The following CACNA2D4 variants were observed in gnomAD, a reference collection of about 807,000 sequenced individuals.
CACNA2D4 encodes calcium voltage-gated channel auxiliary subunit alpha2delta 4.
Under a neutral mutation model 163.8 loss-of-function variants are expected in CACNA2D4, and 157 were observed. The ratio of observed to expected loss-of-function variants is 0.96; its 90% CI spans 0.84 to 1.09. The LOEUF is 1.09. Ranked by LOEUF, CACNA2D4 falls within the 50% of genes least tolerant of loss-of-function variation. The probability of loss-of-function intolerance (pLI) is 0.00; values close to 1 mark genes in which losing one functional copy is unlikely to be tolerated. For missense variants in CACNA2D4, 1,410 were observed against 1,479.9 expected (o/e 0.95, Z 0.78); for synonymous variants, 598 against 586.9 (o/e 1.02, Z -0.27).
chr12:1,910,463 C>CA (rs1565741955), intron 3 of CACNA2D4, among the ~76,000 whole-genome samples: 2 of 152,146 alleles, frequency 1.3e-5, no homozygotes. Context: ...ATGTTGATAG[C>CA]GGGGAAGGCT....
rs568778613 is a variant in CACNA2D4 at position 1,802,762 on chromosome 12, T to A, written c.2722-1118A>T. Among the ~76,000 whole-genome samples, 11 of 152,350 alleles carry A rather than the reference T, an allele frequency of 7.2e-5. No homozygotes were observed. The South Asian group carries it at 2.3e-3, about 32-fold the overall frequency. ...GCCGATTACCCTTCCTCTGTCCTCA[T>A]GCCAAGGAACTTCTTTCCTCACCCT... On this transcript the variant is annotated intron_variant, in intron 29 of 37. Coordinates refer to ENST00000382722, the MANE Select transcript of CACNA2D4 (RefSeq NM_172364.5). This position sits in a 1 kb window ranked among gnomAD's most constrained non-coding sequence, Gnocchi z 4.7.
chr12:1,900,731 G>T (rs1400865173), intron 6 of CACNA2D4, among the ~76,000 whole-genome samples: 1 of 152,154 alleles, frequency 6.6e-6, no homozygotes, highest in Non-Finnish European at 1.5e-5. Flanking sequence ...TAAATAGAGA[G>T]ATGGACCCCA....
At chr12:1,854,978 AC>A (rs57341184) in intron 22 of CACNA2D4, among the ~76,000 whole-genome samples, 1 of 151,804 alleles carries the variant, frequency 6.6e-6, no homozygotes, top group African/African-American at 2.4e-5. Context: ...TATTTTTATC[AC>A]CCCCCAAAGG....
intron 1 of CACNA2D4, among the ~76,000 whole-genome samples, chr12:1,916,835 TGAG>T (rs1282300767): frequency 6.6e-6 from 1 of 151,244 alleles, no homozygotes; most frequent in Non-Finnish European, 1.5e-5. Context: ...TCGGCGGGAG[TGAG>T]GACAGGTGGG....
intron 6 of CACNA2D4, among the ~76,000 whole-genome samples, chr12:1,902,142 G>T (rs1273392349): frequency 6.6e-6 from 1 of 151,888 alleles, no homozygotes; most frequent in Non-Finnish European, 1.5e-5. Flanking sequence ...TGCAGAATAA[G>T]CATTTGATAA....
intron 30 of CACNA2D4, among the ~76,000 whole-genome samples, 156 bp downstream of exon 30, chr12:1,801,416 GCT>G (rs1863322933): frequency 4.6e-5 from 7 of 152,202 alleles, no homozygotes; most frequent in Admixed American, 4.6e-4. Context: ...CCCACATCAT[GCT>G]GACGCCCTGG....
At chr12:1,795,141 T>A in intron 37 of CACNA2D4, 158 bp downstream of exon 37, 1 of 612,650 alleles carries the variant, frequency 1.6e-6, no homozygotes, top group South Asian at 2.0e-5. Context: ...TATATCACAG[T>A]GTCACAGGGC....
At chr12:1,899,224 G>A (rs1473036310) in intron 6 of CACNA2D4, among the ~76,000 whole-genome samples, 2 of 152,042 alleles carry the variant, frequency 1.3e-5, no homozygotes, top group Non-Finnish European at 1.5e-5. Context: ...GAAATACAGG[G>A]AGGCTAAAAC....
At chr12:1,836,852 T>G (rs866476693) in intron 26 of CACNA2D4, 69 of 152,710 alleles carry the variant, frequency 4.5e-4, no homozygotes, top group African/African-American at 1.5e-3. Context: ...CCGGTGGCCA[T>G]GATCCTGATG....
At chr12:1,855,909 G>T (rs1411711246) in intron 22 of CACNA2D4, 103 bp downstream of exon 22, 21 of 804,830 alleles carry the variant, frequency 2.6e-5, no homozygotes. Context: ...AATGGGATAG[G>T]GCTGTGCAGC....
intron 7 of CACNA2D4, among the ~76,000 whole-genome samples, chr12:1,886,750 G>A (rs1332898101): frequency 6.6e-6 from 1 of 152,200 alleles, no homozygotes; most frequent in Non-Finnish European, 1.5e-5. Context: ...ACAAAAGGTT[G>A]ACGTGGAGAC....
chr12:1,799,799 G>A lies in CACNA2D4; in HGVS notation c.2975-104C>T. On this transcript the variant is annotated intron_variant, in intron 33 of 37. Transcript: ENST00000382722. The surrounding 1 kb of genome is among the most constrained non-coding windows in gnomAD (Gnocchi z 4.7). Reference sequence around the variant, plus strand: ...GGTGGTGATGATGGCACATGGAGTGGCGGTGTCCCAAGATGATGTCACACA... The same window carrying A: ...GGTGGTGATGATGGCACATGGAGTGACGGTGTCCCAAGATGATGTCACACA... 1 of 1,428,104 alleles carries A rather than the reference G, an allele frequency of 7.0e-7. No individual in the cohort carries two copies. The allele number at this position is 1,428,104 out of a possible 1,614,324, so 88.5% of individuals were successfully genotyped here.
Position 1,918,552 on chromosome 12 carries a change from C to CA in CACNA2D4, c.-80dup. On this transcript the variant is annotated 5_prime_UTR_variant, in exon 1 of 38. Transcript: ENST00000382722. The stretch of plus-strand genomic sequence containing the variant: ...CGTGCCTTGGCGAGCCTGGGGTCTC[C>CA]AGCCTCTCAGTCCTGGGTGGGGAGG... The CA allele has an allele frequency of 9.0e-7, 1 of 1,109,274 alleles. No individual in the cohort carries two copies. Among genetic ancestry groups the CA allele is most frequent in the Non-Finnish European group, 1.3e-6 (1 of 764,850 alleles). 68.7% of individuals were successfully genotyped at this position (1,109,274 alleles called of 1,614,324 possible).
rs1865846889 is a variant in CACNA2D4, at chr12:1,874,586, C to T, written c.1878+18G>A. On this transcript the variant is annotated intron_variant, in intron 18 of 37. Coordinates refer to ENST00000382722, the MANE Select transcript of CACNA2D4 (RefSeq NM_172364.5). The surrounding 1 kb of genome is among the most constrained non-coding windows in gnomAD (Gnocchi z 4.4). Reference sequence around the variant, plus strand: ...GATGCCTTCCTAGGCCATGCCCTGGCTGTTTCTAGCTCCTTACCCCTTTAT... The same window carrying T: ...GATGCCTTCCTAGGCCATGCCCTGGTTGTTTCTAGCTCCTTACCCCTTTAT... The T allele has an allele frequency of 6.3e-7, 1 of 1,579,348 alleles. No individual in the cohort carries two copies. The highest frequency in any genetic ancestry group is 1.3e-5 in the African/African-American group (1 of 74,384).
intron 26 of CACNA2D4, among the ~76,000 whole-genome samples, chr12:1,816,644 C>T (rs958595456): frequency 3.3e-5 from 5 of 152,268 alleles, no homozygotes; most frequent in Non-Finnish European, 7.3e-5. Flanking sequence ...AGGCCAGACC[C>T]GCAGGCGGCT....
At chr12:1,832,367 G>A (rs992584796) in intron 26 of CACNA2D4, among the ~76,000 whole-genome samples, 7 of 152,208 alleles carry the variant, frequency 4.6e-5, no homozygotes, top group African/African-American at 7.2e-5. Flanking sequence ...TGCACGGAAC[G>A]TGGCTTGAGA....
chr12:1,870,084 C>T (rs77301974), intron 18 of CACNA2D4, among the ~76,000 whole-genome samples: 3 of 152,270 alleles, frequency 2.0e-5, no homozygotes, highest in Admixed American at 2.0e-4. Context: ...ATCTCTTGGT[C>T]GTGGGACAGT....
rs373179862 is a variant in CACNA2D4 at position 1,810,386 on chromosome 12, C to T, written c.2659-46G>A. 7.6e-6 allele frequency: 12 copies of T among 1,576,608 alleles called. No individual in the cohort carries two copies. The African/African-American group carries it at 1.2e-4, about 16-fold the overall frequency. Reference sequence around the variant, plus strand: ...GAGGTTATGCCAGGGCCCTCACCCACCCCGGTCCTCCAGCCTGTCCCCCAG... The same window carrying T: ...GAGGTTATGCCAGGGCCCTCACCCATCCCGGTCCTCCAGCCTGTCCCCCAG... On this transcript the variant is annotated intron_variant, in intron 28 of 37. Transcript: ENST00000382722.
intron 18 of CACNA2D4, among the ~76,000 whole-genome samples, chr12:1,861,884 C>G (rs113630649): frequency 3.9e-5 from 6 of 152,362 alleles, no homozygotes; most frequent in African/African-American, 1.4e-4. Context: ...CTGCCTACCC[C>G]TTCTGGTCCA....
Sources: allele counts gnomAD v4.1 joint callset (sites outside exome capture counted in the v4.1 genomes callset), GRCh38; gene constraint gnomAD v4.1.1; non-coding constraint Gnocchi (gnomAD v3.1); transcripts MANE v1.5; gene names NCBI Gene and HGNC (gene_info 2026-07-23, HGNC 2026-07-21).